The following PDE4D variants were observed in gnomAD, a reference collection of about 807,000 sequenced individuals.
The protein encoded by PDE4D is 3',5'-cyclic-AMP phosphodiesterase 4D.
In PDE4D, 24 loss-of-function variants were observed where a neutral mutation model predicts 87.4. That is an observed-to-expected ratio of 0.27 (90% confidence interval 0.20 to 0.39). PDE4D has a LOEUF of 0.39. PDE4D is among the 10% of genes least tolerant of loss of function. PDE4D has a pLI of 1.00. For missense variants in PDE4D, 714 were observed against 1,041.0 expected, an observed-to-expected ratio of 0.69 and a Z score of 4.32; for synonymous variants, 384 against 383.2, an observed-to-expected ratio of 1.00 and a Z score of -0.02.
chr5:60,097,668 T>C (rs1340405818), intron 2 of PDE4D, among the ~76,000 whole-genome samples: 2 of 151,858 alleles, frequency 1.3e-5, no homozygotes, highest in African/African-American at 4.8e-5. Flanking sequence ...ATTAGAACAA[T>C]AAGGTAATAT....
At chr5:59,154,575 T>C (rs574886159) in intron 5 of PDE4D, among the ~76,000 whole-genome samples, 1 of 152,100 alleles carries the variant, frequency 6.6e-6, no homozygotes, top group African/African-American at 2.4e-5. Context: ...TCAATAGTTA[T>C]AAAATAAAAT....
intron 1 of PDE4D, among the ~76,000 whole-genome samples, chr5:60,354,549 G>C (rs1256498062): frequency 1.3e-5 from 2 of 152,170 alleles, no homozygotes; most frequent in Non-Finnish European, 2.9e-5. Context: ...TTCCCAGGCT[G>C]AAAGCTGCCA....
chr5:59,923,369 G>A (rs927853512), intron 3 of PDE4D, among the ~76,000 whole-genome samples: 5 of 152,184 alleles, frequency 3.3e-5, no homozygotes, highest in African/African-American at 7.2e-5. Flanking sequence ...AACATATGCA[G>A]TAGCCAGGTA....
At chr5:59,473,207 C>T (rs1400682069) in intron 1 of PDE4D, among the ~76,000 whole-genome samples, 2 of 151,880 alleles carry the variant, frequency 1.3e-5, no homozygotes, top group African/African-American at 4.8e-5. Context: ...TAAACTAGCT[C>T]AGTAAACCAA....
chr5:60,028,280 A>G (rs1230575945), intron 2 of PDE4D, among the ~76,000 whole-genome samples: 1 of 151,874 alleles, frequency 6.6e-6, no homozygotes, highest in Non-Finnish European at 1.5e-5. Flanking sequence ...GGGCCCCAAG[A>G]TTTATTTTCC....
At chr5:60,204,264 CATCT>C (rs769792934) in intron 1 of PDE4D, among the ~76,000 whole-genome samples, 32 of 152,220 alleles carry the variant, frequency 2.1e-4, no homozygotes, top group Non-Finnish European at 3.1e-4. Flanking sequence ...ATCTCTCTGT[CATCT>C]ATCTATCTAT....
chr5:59,270,684 C>G (rs1279709209), intron 1 of PDE4D, among the ~76,000 whole-genome samples: 1 of 152,156 alleles, frequency 6.6e-6, no homozygotes, highest in Non-Finnish European at 1.5e-5. Context: ...ATTTCATAGG[C>G]TACCATACTT....
At chr5:60,496,780 C>A (rs2150241538) in intron 1 of PDE4D, among the ~76,000 whole-genome samples, 1 of 152,148 alleles carries the variant, frequency 6.6e-6, no homozygotes, top group South Asian at 2.1e-4. Context: ...AGTTAAATAG[C>A]AAAGGAAGTA....
chr5:60,249,793 C>A (rs1748218070), intron 1 of PDE4D, among the ~76,000 whole-genome samples: 1 of 151,944 alleles, frequency 6.6e-6, no homozygotes, highest in South Asian at 2.1e-4. Context: ...ACCCTTGTCA[C>A]TCCTCTATTT....
In PDE4D at chr5:59,942,035, T is replaced by C. The variant is rs546828573; in HGVS notation, c.272+46453A>G. ...AGGGGAGAGAGCTCTGTGTTCTTGA[T>C]TGCACCAGCCTGGAATGGAAGCTCC... On this transcript the variant is annotated intron_variant, in intron 3 of 16. Transcript: ENST00000502484. 2.0e-5 allele frequency among the ~76,000 whole-genome samples: 3 copies of C among 152,294 alleles called. No individual in the cohort carries two copies. In the East Asian group the frequency reaches 5.8e-4, roughly 29 times the overall value.
chr5:59,168,118 A>G (rs1372757866), intron 5 of PDE4D, among the ~76,000 whole-genome samples: 1 of 152,178 alleles, frequency 6.6e-6, no homozygotes, highest in East Asian at 1.9e-4. Context: ...AAGACGGCAC[A>G]CTAGAAAGCA....
intron 5 of PDE4D, among the ~76,000 whole-genome samples, chr5:59,177,763 A>G (rs1784126779): frequency 6.6e-6 from 1 of 152,176 alleles, no homozygotes; most frequent in African/African-American, 2.4e-5. Context: ...CTGTTAGGCT[A>G]CACTGTTACT....
At chr5:59,793,799 G>A (rs1250399577) in intron 1 of PDE4D, among the ~76,000 whole-genome samples, 1 of 152,140 alleles carries the variant, frequency 6.6e-6, no homozygotes, top group African/African-American at 2.4e-5. Flanking sequence ...CTTTTTTAAT[G>A]TAAGAATTTT....
intron 2 of PDE4D, among the ~76,000 whole-genome samples, chr5:60,056,870 T>C (rs1438773306): frequency 1.3e-5 from 2 of 152,046 alleles, no homozygotes; most frequent in African/African-American, 4.8e-5. Flanking sequence ...GATATTATTA[T>C]GACTCTCTAC....
At chr5:59,469,853 C>T (rs865975987) in intron 1 of PDE4D, among the ~76,000 whole-genome samples, 7 of 152,058 alleles carry the variant, frequency 4.6e-5, no homozygotes, top group Non-Finnish European at 7.4e-5. Flanking sequence ...GGCAAACCAA[C>T]GCTAAAGGCA....
At chr5:59,799,801 T>C (rs917746201) in intron 1 of PDE4D, among the ~76,000 whole-genome samples, 5 of 152,234 alleles carry the variant, frequency 3.3e-5, no homozygotes, top group Admixed American at 2.6e-4. Context: ...CTGTCTTATT[T>C]GGTTTAGATA....
At chr5:59,931,529 G>T (rs1755918836) in intron 3 of PDE4D, among the ~76,000 whole-genome samples, 1 of 152,022 alleles carries the variant, frequency 6.6e-6, no homozygotes, top group African/African-American at 2.4e-5. Context: ...ATGGCAAGGG[G>T]ACTGAGCATG....
At position 59,145,147 on chromosome 5, in the gene PDE4D, G is replaced by A. The variant is rs1459584358; in HGVS notation, c.808+35448C>T. The stretch of plus-strand genomic sequence containing the variant: ...AGCACTCAATAATTTAGCTTTTGGA[G>A]CATTCTCCATACAGTCTAATTTAAT... On this transcript the variant is annotated intron_variant, in intron 5 of 14. Transcript: ENST00000340635. Among the ~76,000 whole-genome samples, 40 of 152,078 alleles carry A rather than the reference G, an allele frequency of 2.6e-4. 1 individual carries two copies. The highest frequency in any genetic ancestry group is 2.6e-3 in the Admixed American group (40 of 15,262).
chr5:60,405,255 A>C (rs1303906599), intron 1 of PDE4D, among the ~76,000 whole-genome samples: 2 of 152,224 alleles, frequency 1.3e-5, no homozygotes. Context: ...CCAGGCAATA[A>C]TGTGTCATCT....
Sources: gnomAD v4.1 joint callset for allele counts (sites outside exome capture counted in the v4.1 genomes callset) on GRCh38, gnomAD v4.1.1 for gene constraint, MANE v1.5 for transcripts, NCBI Gene and HGNC (gene_info 2026-07-23, HGNC 2026-07-21) for gene names.